Variants in FREM2 observed in about 807,000 individuals in gnomAD.
The protein encoded by FREM2 is FRAS1 related extracellular matrix 2, also known as FRAS1-related extracellular matrix protein 2.
FREM2 carries 119 observed loss-of-function variants against 219.9 expected under a neutral mutation model. The ratio of observed to expected loss-of-function variants is 0.54; its 90% CI spans 0.47 to 0.63. The LOEUF is 0.63. Among genes scored for constraint, FREM2 ranks in the 30% least tolerant of loss-of-function variants. The pLI is 0.00. For synonymous variants in FREM2, 1,562 were observed against 1,522.8 expected, an observed-to-expected ratio of 1.03 and a Z score of -0.60; for missense variants, 4,030 against 3,993.6, an observed-to-expected ratio of 1.01 and a Z score of -0.25.
chr13:38,751,864 C>CTGTGTGTGTG (rs59365871), intron 2 of FREM2, among the ~76,000 whole-genome samples: 2 of 130,254 alleles, frequency 1.5e-5, no homozygotes, highest in African/African-American at 6.9e-5. Flanking sequence ...TGTACTTACT[C>CTGTGTGTGTG]TGTGTGTGTG....
In FREM2 at chr13:38,784,703, G is replaced by A. The variant is rs121434356; in HGVS notation, c.5914G>A (p.Glu1972Lys). ...RIVIIDDSLY[E>K]EEETFHVLLS... The stretch of plus-strand genomic sequence containing the variant: ...AGTCATAATTGATGACTCTTTGTAC[G>A]AGGAGGAGGAAACCTTCCATGTCCT... The change falls in exon 6 of 24, where the codon GAG (glutamate) becomes AAG (lysine). Residue 1972 changes from glutamate to lysine, a missense_variant. By Grantham distance (56) the Glu-to-Lys change is moderately conservative. Coordinates refer to ENST00000280481, the MANE Select transcript of FREM2 (RefSeq NM_207361.6). The A allele has an allele frequency of 3.1e-6, 5 of 1,614,126 alleles. No homozygotes were observed. Among genetic ancestry groups the A allele is most frequent in the Admixed American group, 1.7e-5 (1 of 60,020 alleles).
intron 11 of FREM2, among the ~76,000 whole-genome samples, chr13:38,853,445 T>C (rs542103813): frequency 1.4e-3 from 217 of 152,344 alleles, no homozygotes; most frequent in Non-Finnish European, 2.5e-3. Flanking sequence ...AGTCTAATTA[T>C]TCACTGTGTT....
At chr13:38,698,510 A>G (rs2138080261) in intron 2 of FREM2, among the ~76,000 whole-genome samples, 1 of 152,162 alleles carries the variant, frequency 6.6e-6, no homozygotes, top group Non-Finnish European at 1.5e-5. Context: ...GGGTGAGGAG[A>G]AAAACTGGTC....
At chr13:38,820,280 T>C (rs1172015469) in intron 6 of FREM2, among the ~76,000 whole-genome samples, 3 of 152,144 alleles carry the variant, frequency 2.0e-5, no homozygotes, top group Non-Finnish European at 4.4e-5. Context: ...ATAAATATTG[T>C]CTTGAGTTTG....
At chr13:38,862,895 C>G (rs1055923937) in intron 15 of FREM2, among the ~76,000 whole-genome samples, 1 of 152,190 alleles carries the variant, frequency 6.6e-6, no homozygotes, top group Non-Finnish European at 1.5e-5. Flanking sequence ...TCTGTTTCTT[C>G]TTTCACATAG....
At chr13:38,841,274 C>G (rs2137900350) in intron 6 of FREM2, among the ~76,000 whole-genome samples, 1 of 152,286 alleles carries the variant, frequency 6.6e-6, no homozygotes, top group South Asian at 2.1e-4. Flanking sequence ...ATTGCTGACT[C>G]CAAGGTAGTT....
At chr13:38,698,488 TC>T (rs1356932904) in intron 2 of FREM2, among the ~76,000 whole-genome samples, 1 of 152,170 alleles carries the variant, frequency 6.6e-6, no homozygotes, top group Non-Finnish European at 1.5e-5. Flanking sequence ...TCTCTTGTCT[TC>T]CTAACCCTGT....
At chr13:38,805,847 A>G (rs1184392072) in intron 6 of FREM2, among the ~76,000 whole-genome samples, 2 of 151,986 alleles carry the variant, frequency 1.3e-5, no homozygotes, top group Non-Finnish European at 1.5e-5. Context: ...GGAATTGTCA[A>G]ATAATAAATA....
At position 38,874,596 on chromosome 13, in the gene FREM2, G is replaced by C; in HGVS notation, c.8281+10G>C. The C allele has an allele frequency of 1.9e-6, 3 of 1,607,788 alleles. No homozygotes were observed. Among genetic ancestry groups the C allele is most frequent in the Non-Finnish European group, 2.6e-6 (3 of 1,174,254 alleles). ...GTGCTGTCACATCCCGGTAAGCCCC[G>C]TTATCTTTTAACAACCACTCCTCAC... On this transcript the variant is annotated intron_variant, in intron 18 of 23. Coordinates refer to ENST00000280481, the MANE Select transcript of FREM2 (RefSeq NM_207361.6).
intron 2 of FREM2, among the ~76,000 whole-genome samples, chr13:38,724,332 TGTG>T (rs763287733): frequency 3.9e-5 from 6 of 152,206 alleles, no homozygotes; most frequent in Non-Finnish European, 8.8e-5. Context: ...TAAAATATTT[TGTG>T]GTTTAAAGAC....
chr13:38,781,388 C>T (rs1174227975), intron 4 of FREM2, among the ~76,000 whole-genome samples: 1 of 152,036 alleles, frequency 6.6e-6, no homozygotes, highest in Non-Finnish European at 1.5e-5. Flanking sequence ...CTACTCACAC[C>T]CTGTCCAGCC....
intron 10 of FREM2, 60 bp downstream of exon 10, chr13:38,851,168 AAGGTTTTAAGTGACTC>A: frequency 6.4e-7 from 1 of 1,568,044 alleles, no homozygotes; most frequent in Non-Finnish European, 8.7e-7. Context: ...CAGCCAAGTC[AAGGTTTTAAGTGACTC>A]AGAAAAATGC....
At chr13:38,827,039 A>G (rs899807694) in intron 6 of FREM2, among the ~76,000 whole-genome samples, 9 of 152,138 alleles carry the variant, frequency 5.9e-5, no homozygotes, top group African/African-American at 1.7e-4. Flanking sequence ...TCTTTTAAAG[A>G]AAATATTCTA....
intron 6 of FREM2, among the ~76,000 whole-genome samples, chr13:38,823,303 T>G (rs1377601793): frequency 6.6e-6 from 1 of 152,078 alleles, no homozygotes; most frequent in Non-Finnish European, 1.5e-5. Context: ...GCTTCCAGTT[T>G]GCTCATATCC....
At chr13:38,852,766 G>A (rs1005590314) in intron 11 of FREM2, among the ~76,000 whole-genome samples, 5 of 149,844 alleles carry the variant, frequency 3.3e-5, no homozygotes, top group South Asian at 2.1e-4. Context: ...ATGCAGTGGC[G>A]TAATCACAGC....
At chr13:38,699,690 C>T (rs1400918827) in intron 2 of FREM2, among the ~76,000 whole-genome samples, 3 of 152,052 alleles carry the variant, frequency 2.0e-5, no homozygotes, top group Non-Finnish European at 2.9e-5. Context: ...ATAGAATTTA[C>T]TTTAATTCCC....
chr13:38,824,888 G>T (rs1426666121), intron 6 of FREM2, among the ~76,000 whole-genome samples: 2 of 151,800 alleles, frequency 1.3e-5, no homozygotes, highest in African/African-American at 4.8e-5. Flanking sequence ...TTTGGGGAAG[G>T]ACGGTTTTCA....
chr13:38,773,144 A>G (rs1465910149), intron 4 of FREM2, among the ~76,000 whole-genome samples: 1 of 152,194 alleles, frequency 6.6e-6, no homozygotes, highest in Non-Finnish European at 1.5e-5. Context: ...TATGTATTTT[A>G]TTTAATACAT....
chr13:38,690,416 C>T lies in FREM2; in HGVS notation c.3072C>T (p.Gly1024=), dbSNP rs1437061853. Residue 1024 remains glycine (G), a synonymous_variant, in exon 1 of 24, where the codon GGC becomes GGT. Coordinates refer to ENST00000280481, the MANE Select transcript of FREM2 (RefSeq NM_207361.6). ...ATACCCACACCAGTGGTGAGATAGG[C>T]CTATTGCCTAAAGCGGATTCTTTTA... ...VVYTHTSGEI[G]LLPKADSFNL... 1.2e-5 allele frequency: 19 copies of T among 1,614,084 alleles called. No individual in the cohort carries two copies. Among genetic ancestry groups the T allele is most frequent in the Middle Eastern group, 3.3e-4 (2 of 6,060 alleles).
Sources: gnomAD v4.1 joint callset for allele counts (sites outside exome capture counted in the v4.1 genomes callset) on GRCh38, gnomAD v4.1.1 for gene constraint, MANE v1.5 for transcripts, NCBI Gene and HGNC (gene_info 2026-07-23, HGNC 2026-07-21) for gene names.